EEA1: variants seen among roughly 807,000 people sequenced by gnomAD.
EEA1 encodes the protein early endosome antigen 1.
EEA1 carries 111 observed loss-of-function variants against 209.2 expected under a neutral mutation model. The ratio of observed to expected loss-of-function variants is 0.53; its 90% CI spans 0.45 to 0.62. The LOEUF is 0.62. EEA1 is among the 20% of genes least tolerant of loss of function. EEA1 has a pLI of 0.00. For synonymous variants in EEA1, 536 were observed against 540.6 expected (o/e 0.99, Z 0.12); for missense variants, 1,343 against 1,530.8 (o/e 0.88, Z 2.05).
intron 1 of EEA1, chr12:92,905,488 G>A (rs1880342428): frequency 6.6e-6 from 1 of 151,946 alleles, no homozygotes; most frequent in Admixed American, 6.6e-5. Flanking sequence ...GCACACACCT[G>A]TAATCCCCTG....
intron 21 of EEA1, among the ~76,000 whole-genome samples, chr12:92,795,181 G>T (rs559500150): frequency 1.3e-5 from 2 of 152,000 alleles, no homozygotes; most frequent in South Asian, 4.2e-4. Context: ...AAATGATCTG[G>T]CCCCTGTCTA....
chr12:92,834,306 G>A (rs1309456622), intron 10 of EEA1, among the ~76,000 whole-genome samples: 1 of 152,114 alleles, frequency 6.6e-6, no homozygotes, highest in Non-Finnish European at 1.5e-5. Context: ...CACTCTGTGA[G>A]GCTGAGACAG....
intron 15 of EEA1, among the ~76,000 whole-genome samples, chr12:92,815,470 C>A (rs934818389): frequency 1.3e-5 from 2 of 152,166 alleles, no homozygotes; most frequent in Non-Finnish European, 2.9e-5. Flanking sequence ...AATGTATATT[C>A]TCTCCAAGTT....
chr12:92,843,707 TTTATTTATAAAG>T, intron 9 of EEA1, among the ~76,000 whole-genome samples: 1 of 152,292 alleles, frequency 6.6e-6, no homozygotes, highest in South Asian at 2.1e-4. Flanking sequence ...TACTTTCCAC[TTTATTTATAAAG>T]TTACAATCAT....
intron 13 of EEA1, among the ~76,000 whole-genome samples, chr12:92,822,345 C>T (rs1876099054): frequency 6.6e-6 from 1 of 152,140 alleles, no homozygotes; most frequent in African/African-American, 2.4e-5. Flanking sequence ...TTTATATTTA[C>T]ATTCCTAATT....
intron 1 of EEA1, among the ~76,000 whole-genome samples, chr12:92,903,000 T>C (rs1301892338): frequency 6.7e-6 from 1 of 150,328 alleles, no homozygotes; most frequent in Non-Finnish European, 1.5e-5. Context: ...AGCGGCGCGA[T>C]CTTGACTTAC....
intron 15 of EEA1, among the ~76,000 whole-genome samples, chr12:92,814,685 T>C (rs1008183228): frequency 6.6e-6 from 1 of 152,182 alleles, no homozygotes; most frequent in Admixed American, 6.6e-5. Context: ...TACCAATTAC[T>C]ACAAGGCTAC....
At chr12:92,788,158 G>A in intron 21 of EEA1, 109 bp from the exon 22 acceptor site, 2 of 861,246 alleles carry the variant, frequency 2.3e-6, no homozygotes, top group Non-Finnish European at 3.2e-6. Flanking sequence ...AAGATGAACT[G>A]TACTTATGCC....
intron 15 of EEA1, among the ~76,000 whole-genome samples, chr12:92,814,569 T>C (rs1406333594): frequency 1.4e-5 from 2 of 147,632 alleles, no homozygotes; most frequent in African/African-American, 2.5e-5. Flanking sequence ...ATTGCTCCAC[T>C]AGTTTGCCTT....
At chr12:92,777,823 T>C in intron 26 of EEA1, 118 bp downstream of exon 26, 1 of 1,240,350 alleles carries the variant, frequency 8.1e-7, no homozygotes, top group Middle Eastern at 2.0e-4. Context: ...GCTACTTAAA[T>C]ACCTATAGAG....
intron 11 of EEA1, among the ~76,000 whole-genome samples, chr12:92,830,686 A>G (rs942276929): frequency 2.6e-5 from 4 of 152,190 alleles, no homozygotes; most frequent in Non-Finnish European, 5.9e-5. Context: ...AGTGAAGAAT[A>G]AGGAAAAGAA....
At chr12:92,779,324 A>G in intron 24 of EEA1, 24 bp from the exon 25 acceptor site, 1 of 1,564,546 alleles carries the variant, frequency 6.4e-7, no homozygotes, top group Non-Finnish European at 8.6e-7. Flanking sequence ...AGGGCCAAAA[A>G]TAAATCATCC....
chr12:92,797,325 T>G (rs1255197047), intron 21 of EEA1, among the ~76,000 whole-genome samples: 1 of 152,140 alleles, frequency 6.6e-6, no homozygotes, highest in Admixed American at 6.5e-5. Context: ...TGACCTTAAG[T>G]AATCTGCCTA....
Position 92,802,733 on chromosome 12 carries a change from C to T in EEA1, c.2341G>A (p.Val781Ile). 6.5e-7 allele frequency: 1 copy of T among 1,539,982 alleles called. No individual in the cohort carries two copies. The highest frequency in any genetic ancestry group is 1.3e-5 in the South Asian group (1 of 77,368). ...TGTAGATCCAATCTTGTACTGGATA[C>T]TCTAAATATTTAAAAAACAATCTTT... Reference protein sequence around the residue: ...SKQLEMEKEIVSSTRLDLQKK... With the variant: ...SKQLEMEKEIISSTRLDLQKK... The change falls in exon 19 of 29, where the codon GTA becomes ATA. Residue 781 changes from valine to isoleucine, a missense_variant and splice_region_variant. By Grantham distance (29) the Val-to-Ile change is conservative. This residue lies in a region of EEA1 where 1,307 missense variants were observed against 1,465.5 expected (regional missense o/e 0.89). Coordinates refer to ENST00000322349, the MANE Select transcript of EEA1 (RefSeq NM_003566.4).
chr12:92,841,798 C>T (rs1441841063), intron 10 of EEA1, among the ~76,000 whole-genome samples: 2 of 152,112 alleles, frequency 1.3e-5, no homozygotes, highest in Non-Finnish European at 2.9e-5. Flanking sequence ...AGGGTTACAG[C>T]CACTATGGAA....
chr12:92,906,631 T>G (rs538343778), intron 1 of EEA1, among the ~76,000 whole-genome samples: 2 of 151,972 alleles, frequency 1.3e-5, no homozygotes, highest in African/African-American at 4.8e-5. Flanking sequence ...GCTAACACGG[T>G]GAAACCCCGT....
chr12:92,832,536 T>C lies in EEA1; in HGVS notation c.1230A>G (p.Leu410=), dbSNP rs1213211931. 1.2e-6 allele frequency: 2 copies of C among 1,611,540 alleles called. No individual in the cohort carries two copies. The highest frequency in any genetic ancestry group is 1.3e-5 in the African/African-American group (1 of 74,790). Residue 410 remains leucine, a synonymous_variant, in exon 11 of 29, where the codon TTA becomes TTG. Transcript: ENST00000322349. ...CTTGATTAATTTCACTTTGGAGTTG[T>C]AACCCATGCTGCTCCTTTTCTTCTC... ...QQREEKEQHG[L]QLQSEINQLH...
intron 11 of EEA1, among the ~76,000 whole-genome samples, chr12:92,830,752 A>G (rs1031988850): frequency 2.0e-5 from 3 of 152,212 alleles, no homozygotes; most frequent in African/African-American, 7.2e-5. Context: ...TGCATGTCAT[A>G]ACAAGGGACC....
At chr12:92,885,933 A>G (rs1879362192) in intron 2 of EEA1, among the ~76,000 whole-genome samples, 1 of 152,206 alleles carries the variant, frequency 6.6e-6, no homozygotes, top group Non-Finnish European at 1.5e-5. Flanking sequence ...TTCCACTAGA[A>G]AAGTTCCAAG....
Sources: gnomAD v4.1 joint callset for allele counts (sites outside exome capture counted in the v4.1 genomes callset) on GRCh38, gnomAD v4.1.1 for gene constraint, gnomAD v4.1.1 regional missense constraint, MANE v1.5 for transcripts, NCBI Gene and HGNC (gene_info 2026-07-23, HGNC 2026-07-21) for gene names.